The following KLF17 variants were observed in gnomAD, a reference collection of about 807,000 sequenced individuals.
KLF17 encodes the protein KLF transcription factor 17.
In KLF17, 31 loss-of-function variants were observed where a neutral mutation model predicts 34.2. The ratio of observed to expected loss-of-function variants is 0.91; its 90% confidence interval spans 0.68 to 1.22. The LOEUF (loss-of-function observed/expected upper bound fraction) is 1.22. Among genes scored for constraint, KLF17 ranks in the 50% most tolerant of loss-of-function variants. KLF17 has a pLI of 0.00. For missense variants in KLF17, 478 were observed against 505.2 expected (o/e 0.95, Z 0.52); for synonymous variants, 179 against 186.7 (o/e 0.96, Z 0.34).
chr1:44,078,469 T>C, the KLF17 span, among the ~76,000 whole-genome samples: 1 of 148,716 alleles, frequency 6.7e-6, no homozygotes, highest in Non-Finnish European at 1.5e-5. Context: ...AGTTTTGCCC[T>C]GTTGCCAGGC....
intron 3 of KLF17, among the ~76,000 whole-genome samples, chr1:44,132,514 C>A (rs777453852): frequency 2.6e-5 from 4 of 152,166 alleles, no homozygotes; most frequent in African/African-American, 9.7e-5. Flanking sequence ...CCCACCCCAG[C>A]CTATTAAATA....
chr1:44,092,373 G>A, the KLF17 span, among the ~76,000 whole-genome samples: 3 of 152,048 alleles, frequency 2.0e-5, no homozygotes, highest in African/African-American at 7.2e-5. Flanking sequence ...TCACTACACT[G>A]ACAGAAGGGG....
the KLF17 span, among the ~76,000 whole-genome samples, chr1:44,067,364 A>G: frequency 3.7e-4 from 56 of 152,314 alleles, 1 homozygote; most frequent in East Asian, 0.011. Context: ...GAGACAATGT[A>G]TTGTGGTTGA....
chr1:44,083,792 T>G, the KLF17 span, among the ~76,000 whole-genome samples: 1 of 24,674 alleles, frequency 4.1e-5, no homozygotes, highest in Non-Finnish European at 7.4e-5. Context: ...AGACTCTGTC[T>G]CAAAAAAAAA....
chr1:44,085,669 G>A, the KLF17 span, among the ~76,000 whole-genome samples: 1 of 151,882 alleles, frequency 6.6e-6, no homozygotes, highest in South Asian at 2.1e-4. Context: ...GCTGGGCATG[G>A]TGGTGTTGCT....
the KLF17 span, among the ~76,000 whole-genome samples, chr1:44,059,942 T>C: frequency 6.6e-6 from 1 of 152,078 alleles, no homozygotes; most frequent in African/African-American, 2.4e-5. Flanking sequence ...GCACTGTTCC[T>C]TCTGGAAAAC....
At chr1:44,111,894 A>G in the KLF17 span, among the ~76,000 whole-genome samples, 15 of 152,186 alleles carry the variant, frequency 9.9e-5, no homozygotes, top group Admixed American at 9.8e-4. Flanking sequence ...CTATCTCAAA[A>G]CAAAACAAAA....
At chr1:44,079,462 G>A in the KLF17 span, among the ~76,000 whole-genome samples, 1 of 151,702 alleles carries the variant, frequency 6.6e-6, no homozygotes, top group South Asian at 2.1e-4. Flanking sequence ...ACCATGCTCA[G>A]CTACATTTTT....
At chr1:44,096,181 A>G in the KLF17 span, among the ~76,000 whole-genome samples, 1 of 151,910 alleles carries the variant, frequency 6.6e-6, no homozygotes, top group African/African-American at 2.4e-5. Flanking sequence ...GCCTCAAGTG[A>G]TCCACCCACC....
chr1:44,112,299 C>T, the KLF17 span, among the ~76,000 whole-genome samples: 1 of 152,218 alleles, frequency 6.6e-6, no homozygotes, highest in Non-Finnish European at 1.5e-5. Flanking sequence ...AAACCTGGCT[C>T]TGACTTTTTC....
the KLF17 span, among the ~76,000 whole-genome samples, chr1:44,061,451 GC>G: frequency 6.6e-6 from 1 of 152,150 alleles, no homozygotes; most frequent in Non-Finnish European, 1.5e-5. Context: ...CAGGGAAGAG[GC>G]AAAATCACCT....
the KLF17 span, among the ~76,000 whole-genome samples, chr1:44,047,667 G>A: frequency 6.6e-6 from 1 of 152,170 alleles, no homozygotes; most frequent in Admixed American, 6.5e-5. Context: ...CTGGGACCAA[G>A]GATTTGAGAA....
the KLF17 span, among the ~76,000 whole-genome samples, chr1:44,082,121 A>G: frequency 6.6e-6 from 1 of 152,202 alleles, no homozygotes; most frequent in Non-Finnish European, 1.5e-5. Context: ...GTGCATAACC[A>G]GAATAATATC....
At chr1:44,107,433 C>T in the KLF17 span, among the ~76,000 whole-genome samples, 2 of 152,148 alleles carry the variant, frequency 1.3e-5, no homozygotes, top group African/African-American at 4.8e-5. Context: ...TACAGTAGTC[C>T]CTCCTCCTGT....
chr1:44,080,713 A>ATTTTTTTT, the KLF17 span, among the ~76,000 whole-genome samples: 3 of 92,674 alleles, frequency 3.2e-5, no homozygotes, highest in South Asian at 4.0e-4. Context: ...ATTATATTGA[A>ATTTTTTTT]TTTTTTTTTT....
At chr1:44,070,706 A>G in the KLF17 span, among the ~76,000 whole-genome samples, 1 of 134,736 alleles carries the variant, frequency 7.4e-6, no homozygotes, top group Non-Finnish European at 1.5e-5. Context: ...TGAGCCTCCC[A>G]CCTCCCTTGT....
chr1:44,056,675 C>T, the KLF17 span, among the ~76,000 whole-genome samples: 15 of 152,138 alleles, frequency 9.9e-5, no homozygotes, highest in African/African-American at 2.2e-4. Flanking sequence ...CTCAAAGGCC[C>T]GGGAATAGTC....
chr1:44,129,930 T>C lies in KLF17; in HGVS notation c.659T>C (p.Leu220Pro), dbSNP rs1396867376. The C allele has an allele frequency of 3.1e-6, 5 of 1,614,178 alleles. No homozygotes were observed. The highest frequency in any genetic ancestry group is 4.2e-6 in the Non-Finnish European group (5 of 1,180,028). ...TTGCCCCCGCAAGATGCCCATGACC[T>C]TGGGATGCCCCCAGCTGAGTCCCAG... ...QMLPPQDAHD[L>P]GMPPAESQSL... The change falls in exon 2 of 4, where the codon CTT (leucine) becomes CCT (proline). Residue 220 changes from leucine (L) to proline (P), a missense_variant. Transcript: ENST00000372299.
chr1:44,116,616 A>G (rs1365014876), upstream of KLF17, among the ~76,000 whole-genome samples: 2 of 152,062 alleles, frequency 1.3e-5, no homozygotes, highest in Non-Finnish European at 2.9e-5. Context: ...CTTCCTTTCT[A>G]CTGCACTTGG....
Sources: gnomAD v4.1 joint callset for allele counts (sites outside exome capture counted in the v4.1 genomes callset) on GRCh38, gnomAD v4.1.1 for gene constraint, MANE v1.5 for transcripts, NCBI Gene and HGNC (gene_info 2026-07-23, HGNC 2026-07-21) for gene names.